ME2: variants seen among roughly 807,000 people sequenced by gnomAD.
The protein encoded by ME2 is NAD-dependent malic enzyme, mitochondrial.
Under a neutral mutation model 73.7 loss-of-function variants are expected in ME2, and 60 were observed. That is an observed-to-expected ratio of 0.81 (90% CI 0.66 to 1.01). The LOEUF is 1.01. Among genes scored for constraint, ME2 ranks in the 50% least tolerant of loss-of-function variants. The pLI is 0.00. For missense variants in ME2, 594 were observed against 705.5 expected, an observed-to-expected ratio of 0.84 and a Z score of 1.79; for synonymous variants, 199 against 236.9, an observed-to-expected ratio of 0.84 and a Z score of 1.47.
Position 50,908,179 on chromosome 18 carries a change from G to A in ME2, c.225G>A (p.Met75Ile), listed in dbSNP as rs768526146. The change falls in exon 3 of 16, where the codon ATG (methionine) becomes ATA (isoleucine). Residue 75 changes from methionine to isoleucine, a missense_variant. Transcript: ENST00000321341. ...GATTTCATAGAAACTTGAAGAAAAT[G>A]ACTAGCCCTTTGGAAAAGTAAGAGT... ...ALRFHRNLKKMTSPLEKYIYI... is the reference protein window; with the variant it reads ...ALRFHRNLKKITSPLEKYIYI... 94 of 1,591,494 alleles carry A rather than the reference G, an allele frequency of 5.9e-5. No homozygotes were observed. Among genetic ancestry groups the A allele is most frequent in the Non-Finnish European group, 7.7e-5 (90 of 1,173,028 alleles).
chr18:50,933,468 G>GC, intron 13 of ME2: 1 of 151,230 alleles, frequency 6.6e-6, no homozygotes, highest in Non-Finnish European at 1.5e-5. Flanking sequence ...CCTTTTTTTT[G>GC]CCCCTCATGT....
intron 1 of ME2, among the ~76,000 whole-genome samples, chr18:50,883,287 A>T (rs1916367730): frequency 1.3e-5 from 2 of 152,132 alleles, no homozygotes; most frequent in African/African-American, 4.8e-5. Context: ...CCCTGTCATG[A>T]GCTCTTTCTA....
At chr18:50,935,885 G>T (rs1272923512) in intron 13 of ME2, among the ~76,000 whole-genome samples, 7 of 151,136 alleles carry the variant, frequency 4.6e-5, no homozygotes, top group African/African-American at 1.7e-4. Context: ...AAAAAAAATA[G>T]GTAAGGGACA....
intron 1 of ME2, among the ~76,000 whole-genome samples, chr18:50,895,005 TATC>T (rs1361918284): frequency 1.3e-5 from 2 of 151,158 alleles, no homozygotes; most frequent in Admixed American, 1.3e-4. Context: ...CCTTCACACA[TATC>T]ATGGATTTCT....
At chr18:50,912,659 T>A (rs1917183718) in intron 3 of ME2, 142 bp from the exon 4 acceptor site, 3 of 627,798 alleles carry the variant, frequency 4.8e-6, no homozygotes, top group Non-Finnish European at 5.0e-6. Flanking sequence ...AGTAATAATC[T>A]AAGGTTTTGG....
At chr18:50,901,812 C>G (rs1916898403) in intron 2 of ME2, among the ~76,000 whole-genome samples, 1 of 152,066 alleles carries the variant, frequency 6.6e-6, no homozygotes, top group African/African-American at 2.4e-5. Context: ...TATTGATGAC[C>G]CAGTGGGCTA....
At chr18:50,909,548 T>A (rs2144219776) in intron 3 of ME2, among the ~76,000 whole-genome samples, 1 of 152,312 alleles carries the variant, frequency 6.6e-6, no homozygotes, top group African/African-American at 2.4e-5. Context: ...GGTCTGCATA[T>A]AGAACTAAGC....
rs1220902524 is a variant in ME2, at chr18:50,924,127, G to A, written c.1086G>A (p.Gln362=). 6.2e-7 allele frequency: 1 copy of A among 1,612,530 alleles called. No homozygotes were observed. The highest frequency in any genetic ancestry group is 8.5e-7 in the Non-Finnish European group (1 of 1,179,276). Residue 362 remains glutamine (Q), a synonymous_variant, in exon 11 of 16, where the codon CAG becomes CAA. Transcript: ENST00000321341. ...KGRKAKIDSY[Q]EPFTHSAPES... Reference sequence around the variant, plus strand: ...GGAAAGCAAAAATAGATAGTTATCAGGAACCATTTACTCACTCAGCCCCAG... The same window carrying A: ...GGAAAGCAAAAATAGATAGTTATCAAGAACCATTTACTCACTCAGCCCCAG...
chr18:50,896,170 T>TTAAAAAA (rs1916739756), intron 2 of ME2, among the ~76,000 whole-genome samples: 1 of 152,136 alleles, frequency 6.6e-6, no homozygotes, highest in East Asian at 1.9e-4. Flanking sequence ...AGTTCTAGCT[T>TTAAAAAA]TAAAAAATAA....
intron 2 of ME2, among the ~76,000 whole-genome samples, chr18:50,896,740 G>C (rs1219790089): frequency 6.6e-6 from 1 of 152,152 alleles, no homozygotes; most frequent in Non-Finnish European, 1.5e-5. Flanking sequence ...AGTCCCGTTT[G>C]TTTCCCACTA....
intron 12 of ME2, among the ~76,000 whole-genome samples, chr18:50,927,389 C>G (rs1369508913): frequency 2.0e-5 from 3 of 151,888 alleles, no homozygotes; most frequent in Admixed American, 6.6e-5. Flanking sequence ...CTCTCAAAAG[C>G]TAAGGATTCT....
intron 15 of ME2, among the ~76,000 whole-genome samples, chr18:50,942,887 C>T (rs1015123754): frequency 2.0e-5 from 3 of 151,870 alleles, no homozygotes; most frequent in African/African-American, 7.3e-5. Flanking sequence ...TTTTAATATG[C>T]ATAGTCCGTT....
chr18:50,879,981 T>G (rs1249148821), intron 1 of ME2, among the ~76,000 whole-genome samples: 1 of 152,218 alleles, frequency 6.6e-6, no homozygotes, highest in Non-Finnish European at 1.5e-5. Flanking sequence ...TTGCTTGTGG[T>G]GAGAAGCGTG....
intron 13 of ME2, among the ~76,000 whole-genome samples, chr18:50,936,920 G>A (rs537699854): frequency 6.6e-6 from 1 of 152,150 alleles, no homozygotes; most frequent in South Asian, 2.1e-4. Context: ...AATAGAGCGA[G>A]ACCCTGTCTC....
At chr18:50,925,612 T>G (rs1441311705) in intron 11 of ME2, 144 bp from the exon 12 acceptor site, 5 of 627,714 alleles carry the variant, frequency 8.0e-6, no homozygotes, top group Non-Finnish European at 1.4e-5. Context: ...TCTCATAGAT[T>G]TTGCATTGCT....
intron 14 of ME2, chr18:50,939,984 A>G: frequency 2.4e-6 from 1 of 423,596 alleles, no homozygotes; most frequent in Non-Finnish European, 4.2e-6. Context: ...CAGACTTTGA[A>G]GTATTTCTGA....
At chr18:50,879,579 C>T (rs1916262881) in intron 1 of ME2, among the ~76,000 whole-genome samples, 1 of 152,234 alleles carries the variant, frequency 6.6e-6, no homozygotes, top group African/African-American at 2.4e-5. Flanking sequence ...CCTCCGCCGG[C>T]TGGTGCCTGG....
At chr18:50,883,209 T>G (rs767893099) in intron 1 of ME2, among the ~76,000 whole-genome samples, 8 of 152,212 alleles carry the variant, frequency 5.3e-5, no homozygotes, top group Non-Finnish European at 8.8e-5. Flanking sequence ...GATTCTGAAC[T>G]GGTAATTAGC....
rs1270619426 is a variant in ME2 at position 50,953,636 on chromosome 18, A to C, written c.*6452A>C. 1 of 152,188 alleles carries C rather than the reference A, an allele frequency of 6.6e-6. No individual in the cohort carries two copies. The highest frequency in any genetic ancestry group is 6.5e-5 in the Admixed American group (1 of 15,270). 9.4% of individuals were successfully genotyped at this position (152,188 alleles called of 1,614,324 possible). ...ACTGTTAACACTTCTGTGCAAATAA[A>C]TTTCAGTTGTGCTTATATATTATAA... On this transcript the variant is annotated 3_prime_UTR_variant, in exon 16 of 16. Transcript: ENST00000321341.
Sources: gnomAD v4.1 joint callset for allele counts (sites outside exome capture counted in the v4.1 genomes callset) on GRCh38, gnomAD v4.1.1 for gene constraint, MANE v1.5 for transcripts, NCBI Gene and HGNC (gene_info 2026-07-23, HGNC 2026-07-21) for gene names.